MRPL13: variants seen among roughly 807,000 people sequenced by gnomAD.
MRPL13 encodes mitochondrial ribosomal protein L13.
Under a neutral mutation model 29.0 loss-of-function variants are expected in MRPL13, and 33 were observed. The ratio of observed to expected loss-of-function variants is 1.14; its 90% confidence interval spans 0.86 to 1.52. MRPL13 has a LOEUF of 1.52. MRPL13 is among the 40% of genes most tolerant of loss of function. MRPL13 has a pLI of 0.00. For missense variants in MRPL13, 227 were observed against 216.7 expected, an observed-to-expected ratio of 1.05 and a Z score of -0.30; for synonymous variants, 77 against 68.4, an observed-to-expected ratio of 1.13 and a Z score of -0.62.
intron 5 of MRPL13, among the ~76,000 whole-genome samples, chr8:120,416,708 C>T (rs970763183): frequency 6.6e-6 from 1 of 152,160 alleles, no homozygotes; most frequent in Admixed American, 6.5e-5. Context: ...AGTTCCCCAA[C>T]TGTTAGCATG....
chr8:120,436,122 G>GTAA (rs1234482467), intron 2 of MRPL13, among the ~76,000 whole-genome samples: 1 of 152,116 alleles, frequency 6.6e-6, no homozygotes, highest in African/African-American at 2.4e-5. Context: ...AAGATAAAGA[G>GTAA]TAATAGGGTG....
intron 1 of MRPL13, among the ~76,000 whole-genome samples, chr8:120,443,995 C>T (rs1177998568): frequency 6.6e-6 from 1 of 152,106 alleles, no homozygotes; most frequent in Non-Finnish European, 1.5e-5. Flanking sequence ...TTTCTCTATG[C>T]ATATACACAA....
intron 4 of MRPL13, 38 bp from the exon 5 acceptor site, chr8:120,419,976 A>T (rs1392375436): frequency 1.5e-6 from 2 of 1,357,962 alleles, no homozygotes; most frequent in South Asian, 2.9e-5. Flanking sequence ...GAAAATTGTG[A>T]CTTGCGATAG....
rs750610879 is a variant in MRPL13 at position 120,425,335 on chromosome 8, C to A, written c.277G>T (p.Ala93Ser). The change falls in exon 4 of 7, where the codon GCT becomes TCT. Residue 93 changes from alanine (A) to serine (S), a missense_variant. Physicochemically the swap from Ala to Ser is moderately conservative, Grantham distance 99. Transcript: ENST00000306185. ...ACTGGATCCCTCAGGTGAAGCTGAGCAGCTGTTACTTGTCTAAATCCACCT... is the reference window on the plus strand; with the variant it reads ...ACTGGATCCCTCAGGTGAAGCTGAGAAGCTGTTACTTGTCTAAATCCACCT... ...YPGGFRQVTA[A>S]QLHLRDPVAI... The A allele has an allele frequency of 8.7e-6, 14 of 1,612,780 alleles. No homozygotes were observed. Among genetic ancestry groups the A allele is most frequent in the Non-Finnish European group, 1.2e-5 (14 of 1,179,210 alleles).
chr8:120,432,071 A>G lies in MRPL13; in HGVS notation c.204T>C (p.Ser68=). 1 of 1,609,976 alleles carries G rather than the reference A, an allele frequency of 6.2e-7. No homozygotes were observed. Among genetic ancestry groups the G allele is most frequent in the Non-Finnish European group, 8.5e-7 (1 of 1,178,018 alleles). ...VIMNTRHIAF[S]GNKWEQKVYS... is the part of the protein sequence containing the mutation. ...ATACTTTTTGTTCCCATTTGTTTCC[A>G]GAAAATGCAATGTGTCTTGTGTTCA... The change falls in exon 3 of 7, where the codon TCT becomes TCC. Residue 68 remains serine, a synonymous_variant. Coordinates refer to ENST00000306185, the MANE Select transcript of MRPL13 (RefSeq NM_014078.6).
At chr8:120,424,928 C>T (rs930605038) in intron 4 of MRPL13, among the ~76,000 whole-genome samples, 3 of 151,670 alleles carry the variant, frequency 2.0e-5, no homozygotes, top group Admixed American at 1.3e-4. Context: ...CTCGAGTTAA[C>T]AAAAAAGTTA....
At position 120,407,973 on chromosome 8, in the gene MRPL13, A is replaced by T. The variant is rs368368838; in HGVS notation, c.515+6018T>A. On this transcript the variant is annotated intron_variant, in intron 6 of 6. Coordinates refer to ENST00000306185, the MANE Select transcript of MRPL13 (RefSeq NM_014078.6). Reference sequence around the variant, plus strand: ...TTTGAGTTTTAAGTCACTTCCATTGAATGAATGAAATTATTTAGAATAAAC... The same window carrying T: ...TTTGAGTTTTAAGTCACTTCCATTGTATGAATGAAATTATTTAGAATAAAC... 8.0e-4 allele frequency among the ~76,000 whole-genome samples: 122 copies of T among 152,330 alleles called. 1 individual carries two copies. The highest frequency in any genetic ancestry group is 2.8e-3 in the African/African-American group (115 of 41,576).
chr8:120,408,465 C>T (rs1586919102), intron 6 of MRPL13, among the ~76,000 whole-genome samples: 3 of 152,172 alleles, frequency 2.0e-5, no homozygotes, highest in Non-Finnish European at 4.4e-5. Context: ...TTGAGCAAAA[C>T]CCAGGACTGG....
At chr8:120,441,954 T>C (rs1279955972) in intron 2 of MRPL13, among the ~76,000 whole-genome samples, 1 of 152,202 alleles carries the variant, frequency 6.6e-6, no homozygotes, top group African/African-American at 2.4e-5. Context: ...AGAAATTCAT[T>C]GTACTATTCT....
chr8:120,443,309 C>CT lies in MRPL13; in HGVS notation c.28-2dup. The CT allele has an allele frequency of 6.8e-7, 1 of 1,464,334 alleles. No homozygotes were observed. Among genetic ancestry groups the CT allele is most frequent in the Non-Finnish European group, 9.0e-7 (1 of 1,109,736 alleles). 90.7% of individuals were successfully genotyped at this position (1,464,334 alleles called of 1,614,324 possible). ...ATATTCTAGCAAAAGTGGCCCATTGCTTGGGGGGGAAAAAAAAAAAAAAGA... is the reference window on the plus strand; with the variant it reads ...ATATTCTAGCAAAAGTGGCCCATTGCTTTGGGGGGGAAAAAAAAAAAAAAGA... On this transcript the variant is annotated splice_acceptor_variant, in intron 1 of 6. Coordinates refer to ENST00000306185, the MANE Select transcript of MRPL13 (RefSeq NM_014078.6). LOFTEE classifies it high-confidence loss of function.
chr8:120,397,515 AC>A (rs1331553288), intron 6 of MRPL13, among the ~76,000 whole-genome samples: 2 of 152,100 alleles, frequency 1.3e-5, no homozygotes, highest in African/African-American at 4.8e-5. Context: ...GGTTAGGTCG[AC>A]TCAGCCATTC....
At chr8:120,408,801 G>A (rs1369203675) in intron 6 of MRPL13, among the ~76,000 whole-genome samples, 1 of 152,174 alleles carries the variant, frequency 6.6e-6, no homozygotes, top group Non-Finnish European at 1.5e-5. Context: ...ATCTGAAAAT[G>A]GGTAGTTTTT....
intron 6 of MRPL13, among the ~76,000 whole-genome samples, chr8:120,398,238 G>A (rs1244556259): frequency 6.6e-6 from 1 of 152,168 alleles, no homozygotes; most frequent in Non-Finnish European, 1.5e-5. Flanking sequence ...AGGAGTGTCT[G>A]GGCTGGCAAC....
chr8:120,430,248 C>G (rs1812982929), intron 3 of MRPL13, among the ~76,000 whole-genome samples: 1 of 152,042 alleles, frequency 6.6e-6, no homozygotes, highest in African/African-American at 2.4e-5. Context: ...GATGACAGAG[C>G]AAGACTTCAT....
chr8:120,411,127 T>A (rs892231268), intron 6 of MRPL13, among the ~76,000 whole-genome samples: 3 of 151,982 alleles, frequency 2.0e-5, no homozygotes, highest in East Asian at 3.9e-4. Flanking sequence ...AGTGGCATGA[T>A]CATGGCTCAC....
intron 4 of MRPL13, among the ~76,000 whole-genome samples, chr8:120,421,670 G>A (rs1367818896): frequency 1.3e-5 from 2 of 151,786 alleles, no homozygotes; most frequent in Non-Finnish European, 3.0e-5. Flanking sequence ...AATCCAAATG[G>A]ATTTAACTCT....
In MRPL13 at chr8:120,395,892, T is replaced by C. The variant is rs1812516950; in HGVS notation, c.*212A>G. 4 of 448,954 alleles carry C rather than the reference T, an allele frequency of 8.9e-6. No individual in the cohort carries two copies. Among genetic ancestry groups the C allele is most frequent in the South Asian group, 4.0e-5 (1 of 24,766 alleles). The allele number at this position is 448,954 out of a possible 1,614,324, so 27.8% of individuals were successfully genotyped here. A position where few individuals can be genotyped will look rare whatever the true frequency, so the allele number is the denominator to read the frequency against. ...ATTATTATCAACTATAACATTCAAA[T>C]CAGATTACATAAAAATGGTTCTATA... On this transcript the variant is annotated 3_prime_UTR_variant, in exon 7 of 7. Coordinates refer to ENST00000306185, the MANE Select transcript of MRPL13 (RefSeq NM_014078.6).
At chr8:120,419,231 G>A (rs1812840826) in intron 5 of MRPL13, among the ~76,000 whole-genome samples, 1 of 151,858 alleles carries the variant, frequency 6.6e-6, no homozygotes, top group Non-Finnish European at 1.5e-5. Context: ...AAATAATGGG[G>A]CACAGATTCA....
At chr8:120,444,316 T>C (rs1813171575) in intron 1 of MRPL13, among the ~76,000 whole-genome samples, 2 of 152,186 alleles carry the variant, frequency 1.3e-5, no homozygotes, top group African/African-American at 4.8e-5. Flanking sequence ...GAGAGTCATC[T>C]TAGACCGATA....
Sources: allele counts gnomAD v4.1 joint callset (sites outside exome capture counted in the v4.1 genomes callset), GRCh38; gene constraint gnomAD v4.1.1; transcripts MANE v1.5; gene names NCBI Gene and HGNC (gene_info 2026-07-23, HGNC 2026-07-21).